The following CCDC91 variants were observed in gnomAD, a reference collection of about 807,000 sequenced individuals.
CCDC91 encodes the protein coiled-coil domain containing 91.
CCDC91 carries 48 observed loss-of-function variants against 63.2 expected under a neutral mutation model. The observed-to-expected ratio is 0.76, with a 90% CI of 0.60 to 0.97. CCDC91 has a LOEUF of 0.97. Among genes scored for constraint, CCDC91 ranks in the 50% least tolerant of loss-of-function variants. The pLI is 0.00. For missense variants in CCDC91, 500 were observed against 494.6 expected, an observed-to-expected ratio of 1.01 and a Z score of -0.10; for synonymous variants, 167 against 165.8, an observed-to-expected ratio of 1.01 and a Z score of -0.06.
At chr12:28,368,830 A>G (rs75414607) in intron 7 of CCDC91, among the ~76,000 whole-genome samples, 3 of 148,534 alleles carry the variant, frequency 2.0e-5, no homozygotes, top group African/African-American at 5.0e-5. Context: ...GAGAGAGAGA[A>G]AGAGAGAGAG....
intron 12 of CCDC91, among the ~76,000 whole-genome samples, chr12:28,484,418 A>G (rs752102637): frequency 1.7e-4 from 26 of 152,286 alleles, no homozygotes; most frequent in Non-Finnish European, 3.5e-4. Flanking sequence ...ATCATTTCCA[A>G]TTTAGCTTTA....
chr12:28,307,995 A>T (rs1197050727), intron 6 of CCDC91, among the ~76,000 whole-genome samples: 2 of 152,032 alleles, frequency 1.3e-5, no homozygotes, highest in Non-Finnish European at 1.5e-5. Context: ...TCTGTTTCTG[A>T]TGGATACATT....
chr12:28,484,835 T>G (rs142838344), intron 12 of CCDC91, among the ~76,000 whole-genome samples: 2,941 of 150,822 alleles, frequency 0.019, 83 homozygotes, highest in African/African-American at 0.067. Context: ...TAATCTTCTC[T>G]GTAATAAATA....
At chr12:28,464,632 T>C (rs1207012873) in intron 11 of CCDC91, among the ~76,000 whole-genome samples, 1 of 152,182 alleles carries the variant, frequency 6.6e-6, no homozygotes, top group Non-Finnish European at 1.5e-5. Context: ...GACCCAGTCC[T>C]GACAGGATTT....
intron 3 of CCDC91, among the ~76,000 whole-genome samples, chr12:28,281,838 T>G (rs1254589196): frequency 1.3e-5 from 2 of 152,170 alleles, no homozygotes; most frequent in South Asian, 4.1e-4. Flanking sequence ...CCATTGTTGC[T>G]GAAAGGACAT....
At chr12:28,482,772 T>C (rs1951515454) in intron 11 of CCDC91, among the ~76,000 whole-genome samples, 1 of 151,958 alleles carries the variant, frequency 6.6e-6, no homozygotes, top group African/African-American at 2.4e-5. Context: ...ATGATTCCAC[T>C]TTTTGAATTG....
At chr12:28,370,229 A>G (rs1359738321) in intron 7 of CCDC91, among the ~76,000 whole-genome samples, 1 of 152,198 alleles carries the variant, frequency 6.6e-6, no homozygotes, top group Non-Finnish European at 1.5e-5. Flanking sequence ...TTGTGAATGT[A>G]TGACTGTGCA....
chr12:28,307,049 C>T, intron 5 of CCDC91, 104 bp downstream of exon 5: 3 of 766,776 alleles, frequency 3.9e-6, no homozygotes, highest in Non-Finnish European at 6.2e-6. Context: ...AGATACTTTT[C>T]TCCCTTGGTT....
chr12:28,233,782 G>A (rs181885754), intron 1 of CCDC91, among the ~76,000 whole-genome samples: 4 of 150,626 alleles, frequency 2.7e-5, no homozygotes, highest in African/African-American at 7.3e-5. Context: ...TTTTTTTTTC[G>A]TATTGTTAGA....
chr12:28,242,659 G>A (rs1334522073), intron 1 of CCDC91, among the ~76,000 whole-genome samples: 2 of 152,090 alleles, frequency 1.3e-5, no homozygotes, highest in Non-Finnish European at 2.9e-5. Context: ...TTATCAAAGA[G>A]TTTCCCTGCA....
chr12:28,368,578 G>A (rs1944418875), intron 7 of CCDC91, among the ~76,000 whole-genome samples: 1 of 152,008 alleles, frequency 6.6e-6, no homozygotes, highest in African/African-American at 2.4e-5. Flanking sequence ...TTGTTGAATT[G>A]TTTACGTCGC....
chr12:28,213,953 A>G (rs573520468), intron 1 of CCDC91, among the ~76,000 whole-genome samples: 3 of 152,240 alleles, frequency 2.0e-5, no homozygotes, highest in African/African-American at 4.8e-5. Flanking sequence ...TCAGTTTCCA[A>G]TATATGGTGC....
intron 1 of CCDC91, among the ~76,000 whole-genome samples, chr12:28,213,936 T>C (rs1943400899): frequency 6.6e-6 from 1 of 152,172 alleles, no homozygotes; most frequent in African/African-American, 2.4e-5. Context: ...GCTGTATATA[T>C]GCTGGATCAG....
At chr12:28,371,774 C>T (rs1332445230) in intron 7 of CCDC91, among the ~76,000 whole-genome samples, 2 of 152,144 alleles carry the variant, frequency 1.3e-5, no homozygotes, top group Admixed American at 1.3e-4. Flanking sequence ...TTTCACAGGG[C>T]CGGAGGCTTG....
intron 6 of CCDC91, among the ~76,000 whole-genome samples, chr12:28,361,555 ATT>A (rs771148147): frequency 6.6e-6 from 1 of 150,916 alleles, no homozygotes; most frequent in Non-Finnish European, 1.5e-5. Flanking sequence ...CATATTAAAT[ATT>A]CCTTTTGCTG....
intron 6 of CCDC91, among the ~76,000 whole-genome samples, chr12:28,343,077 G>A (rs116063021): frequency 0.011 from 1,709 of 151,984 alleles, 36 homozygotes; most frequent in African/African-American, 0.04. Context: ...GGTGGGGATG[G>A]GGAGGTGGAG....
At chr12:28,462,096 C>T (rs150897998) in intron 11 of CCDC91, among the ~76,000 whole-genome samples, 1,673 of 151,700 alleles carry the variant, frequency 0.011, 17 homozygotes, top group South Asian at 0.025. Flanking sequence ...TACTTGAGTT[C>T]TTGAAACCAG....
chr12:28,192,511 T>A (rs12367188), intron 1 of CCDC91, among the ~76,000 whole-genome samples: 31,306 of 152,166 alleles, frequency 0.21, 4,222 homozygotes, highest in Non-Finnish European at 0.31. Flanking sequence ...TTTATCAAAT[T>A]TTCTTATTTT....
intron 3 of CCDC91, among the ~76,000 whole-genome samples, chr12:28,274,044 C>T (rs1408741619): frequency 6.6e-6 from 1 of 152,170 alleles, no homozygotes; most frequent in Admixed American, 6.5e-5. Context: ...GATCCAGTTT[C>T]AGCTTTCTGC....
Sources: gnomAD v4.1 joint callset for allele counts (sites outside exome capture counted in the v4.1 genomes callset) on GRCh38, gnomAD v4.1.1 for gene constraint, MANE v1.5 for transcripts, NCBI Gene and HGNC (gene_info 2026-07-23, HGNC 2026-07-21) for gene names.